Variants in PDE7B observed in about 807,000 individuals in gnomAD.
PDE7B encodes 3',5'-cyclic-AMP phosphodiesterase 7B.
Under a neutral mutation model 56.2 loss-of-function variants are expected in PDE7B, and 29 were observed. The ratio of observed to expected loss-of-function variants is 0.52; its 90% CI spans 0.38 to 0.70. The LOEUF is 0.70. Ranked by LOEUF, PDE7B falls within the 30% of genes least tolerant of loss-of-function variation. PDE7B has a pLI of 0.00. For missense variants in PDE7B, 490 were observed against 565.0 expected (o/e 0.87, Z 1.35); for synonymous variants, 197 against 196.9 (o/e 1.00, Z 0.00).
intron 3 of PDE7B, among the ~76,000 whole-genome samples, chr6:136,123,749 T>C (rs1429491024): frequency 1.3e-5 from 2 of 152,256 alleles, no homozygotes; most frequent in South Asian, 2.1e-4. Context: ...CAGCAATTAT[T>C]AACTGGAACT....
intron 2 of PDE7B, among the ~76,000 whole-genome samples, chr6:136,060,931 A>G (rs1776827249): frequency 1.3e-5 from 2 of 152,222 alleles, no homozygotes; most frequent in South Asian, 2.1e-4. Flanking sequence ...TGAAGGCATC[A>G]GTAGGAGAAT....
intron 1 of PDE7B, among the ~76,000 whole-genome samples, chr6:135,876,857 T>TC (rs1562421148): frequency 7.0e-6 from 1 of 141,970 alleles, no homozygotes; most frequent in Non-Finnish European, 1.5e-5. Context: ...AGACTCTGTG[T>TC]CAAAAAAAAA....
At chr6:136,174,456 A>G (rs573062785) in intron 9 of PDE7B, among the ~76,000 whole-genome samples, 1 of 152,190 alleles carries the variant, frequency 6.6e-6, no homozygotes, top group South Asian at 2.1e-4. Flanking sequence ...CTGGTTCACT[A>G]TTTGATAGCC....
intron 2 of PDE7B, among the ~76,000 whole-genome samples, chr6:135,980,338 C>T (rs1049907408): frequency 6.6e-6 from 1 of 152,146 alleles, no homozygotes; most frequent in Non-Finnish European, 1.5e-5. Flanking sequence ...CATAAAAACC[C>T]TAGAAGAAAA....
At chr6:135,894,483 T>G (rs929176633) in intron 1 of PDE7B, among the ~76,000 whole-genome samples, 3 of 152,114 alleles carry the variant, frequency 2.0e-5, no homozygotes, top group African/African-American at 7.2e-5. Context: ...CTGTTCCTAT[T>G]TTTCTTAATA....
intron 2 of PDE7B, among the ~76,000 whole-genome samples, chr6:135,962,336 G>T (rs944103045): frequency 3.9e-5 from 6 of 151,972 alleles, no homozygotes; most frequent in Non-Finnish European, 8.8e-5. Flanking sequence ...TTTTTTATCA[G>T]TTTCTCTCAG....
At chr6:136,083,469 C>T (rs912889941) in intron 2 of PDE7B, among the ~76,000 whole-genome samples, 1 of 152,094 alleles carries the variant, frequency 6.6e-6, no homozygotes, top group African/African-American at 2.4e-5. Context: ...TTTCAATTCT[C>T]TCAGAAAGAC....
At chr6:136,158,285 T>C (rs956734513) in intron 8 of PDE7B, among the ~76,000 whole-genome samples, 1 of 151,988 alleles carries the variant, frequency 6.6e-6, no homozygotes, top group Non-Finnish European at 1.5e-5. Flanking sequence ...GTTACTCTTA[T>C]CAAATTTTAA....
At chr6:136,030,304 G>A (rs976840810) in intron 2 of PDE7B, among the ~76,000 whole-genome samples, 2 of 152,184 alleles carry the variant, frequency 1.3e-5, no homozygotes, top group African/African-American at 2.4e-5. Flanking sequence ...AGTTACCCTG[G>A]TCTTCCAGCT....
At chr6:135,917,024 T>A (rs1773964825) in intron 1 of PDE7B, among the ~76,000 whole-genome samples, 1 of 152,190 alleles carries the variant, frequency 6.6e-6, no homozygotes, top group Non-Finnish European at 1.5e-5. Flanking sequence ...AACCCAAGGT[T>A]GCAAAGATAA....
At chr6:135,863,702 T>C (rs1212249600) in intron 1 of PDE7B, among the ~76,000 whole-genome samples, 1 of 151,832 alleles carries the variant, frequency 6.6e-6, no homozygotes, top group Non-Finnish European at 1.5e-5. Flanking sequence ...ATTTTTTTTT[T>C]TTTTTTTGCC....
intron 8 of PDE7B, among the ~76,000 whole-genome samples, chr6:136,163,248 A>G (rs1387659851): frequency 6.6e-6 from 1 of 152,226 alleles, no homozygotes; most frequent in Non-Finnish European, 1.5e-5. Context: ...ATCTAGGTGG[A>G]GGTTCTCAAA....
At chr6:135,862,591 TA>T (rs895815067) in intron 1 of PDE7B, among the ~76,000 whole-genome samples, 10 of 152,042 alleles carry the variant, frequency 6.6e-5, no homozygotes, top group South Asian at 2.1e-4. Flanking sequence ...AAGTTTATAT[TA>T]TTTTTTTTCC....
chr6:136,027,717 C>T (rs1776178465), intron 2 of PDE7B, among the ~76,000 whole-genome samples: 1 of 152,080 alleles, frequency 6.6e-6, no homozygotes, highest in East Asian at 1.9e-4. Context: ...CACCTCCCGG[C>T]TTCAAGCAAT....
At chr6:136,049,662 T>C (rs567104408) in intron 2 of PDE7B, among the ~76,000 whole-genome samples, 2 of 152,006 alleles carry the variant, frequency 1.3e-5, no homozygotes, top group African/African-American at 4.8e-5. Context: ...CAACAAGATG[T>C]GAGAAATTTG....
chr6:136,153,891 C>T (rs1479534290), intron 6 of PDE7B, among the ~76,000 whole-genome samples, 184 bp from the exon 7 acceptor site: 1 of 152,158 alleles, frequency 6.6e-6, no homozygotes. Context: ...CATCTCTGCT[C>T]TCTGCTAAAA....
At chr6:136,004,623 A>C (rs1159505235) in intron 2 of PDE7B, among the ~76,000 whole-genome samples, 1 of 151,014 alleles carries the variant, frequency 6.6e-6, no homozygotes, top group Non-Finnish European at 1.5e-5. Flanking sequence ...AGAGAATAAA[A>C]TACCTAGGAA....
At chr6:136,103,057 G>T (rs1777589115) in intron 2 of PDE7B, among the ~76,000 whole-genome samples, 1 of 152,092 alleles carries the variant, frequency 6.6e-6, no homozygotes. Flanking sequence ...TGTGGTTTCT[G>T]GACGACTAAC....
chr6:135,888,979 T>C (rs1045708324), intron 1 of PDE7B, among the ~76,000 whole-genome samples: 1 of 152,220 alleles, frequency 6.6e-6, no homozygotes, highest in African/African-American at 2.4e-5. Context: ...ATATCTAGTC[T>C]AGATGATTTT....
Sources: allele counts gnomAD v4.1 joint callset (sites outside exome capture counted in the v4.1 genomes callset), GRCh38; gene constraint gnomAD v4.1.1; transcripts MANE v1.5; gene names NCBI Gene and HGNC (gene_info 2026-07-23, HGNC 2026-07-21).